Variants in TEP1 observed in about 807,000 individuals in gnomAD.
The protein encoded by TEP1 is telomerase associated protein 1.
TEP1 carries 241 observed loss-of-function variants against 306.3 expected under a neutral mutation model. That is an observed-to-expected ratio of 0.79 (90% CI 0.71 to 0.88). TEP1 has a LOEUF of 0.88. Ranked by LOEUF, TEP1 falls within the 40% of genes least tolerant of loss-of-function variation. The pLI, the probability that TEP1 is intolerant of heterozygous loss-of-function variation, is 0.00. For missense variants in TEP1, 3,051 were observed against 3,276.1 expected, an observed-to-expected ratio of 0.93 and a Z score of 1.68; for synonymous variants, 1,289 against 1,305.5, an observed-to-expected ratio of 0.99 and a Z score of 0.27.
intron 33 of TEP1, among the ~76,000 whole-genome samples, chr14:20,380,725 T>C (rs1317910669): frequency 6.6e-6 from 1 of 152,200 alleles, no homozygotes; most frequent in African/African-American, 2.4e-5. Flanking sequence ...CTAAATAAAG[T>C]TGAAGAATCT....
At position 20,404,649 on chromosome 14, in the gene TEP1, G is replaced by C; in HGVS notation, c.994C>G (p.Leu332Val). Residue 332 changes from leucine (L) to valine (V), a missense_variant, in exon 5 of 55, where the codon CTG (leucine) becomes GTG (valine). Physicochemically the swap from Leu to Val is conservative, Grantham distance 32 (BLOSUM62 1). Coordinates refer to ENST00000262715, the MANE Select transcript of TEP1 (RefSeq NM_007110.5). ...LRRYFCAIVQ[L>V]PSDWIQVAEL... Reference sequence around the variant, plus strand: ...GCCACCTGGATCCAGTCAGAAGGCAGCTGGACAATGGCACAGAAATATCGT... The same window carrying C: ...GCCACCTGGATCCAGTCAGAAGGCACCTGGACAATGGCACAGAAATATCGT... 6.2e-7 allele frequency: 1 copy of C among 1,614,130 alleles called. No individual in the cohort carries two copies. Among genetic ancestry groups the C allele is most frequent in the Non-Finnish European group, 8.5e-7 (1 of 1,179,992 alleles).
chr14:20,386,948 T>C (rs1877216647), intron 18 of TEP1, among the ~76,000 whole-genome samples: 1 of 151,392 alleles, frequency 6.6e-6, no homozygotes, highest in Non-Finnish European at 1.5e-5. Context: ...CTTTTTTTTT[T>C]TTTGAGACAG....
At chr14:20,398,276 G>A (rs1221964110) in intron 9 of TEP1, among the ~76,000 whole-genome samples, 2 of 151,420 alleles carry the variant, frequency 1.3e-5, no homozygotes, top group Non-Finnish European at 2.9e-5. Context: ...TAATCAGGAG[G>A]CTGAAGCAGG....
At position 20,366,022 on chromosome 14, in the gene TEP1, TTAATG is replaced by T. The variant is rs1884459173; in HGVS notation, c.*2410_*2414del. ...TTAAAGATAAGAACTTGAAGGATGT[TTAATG>T]TAAACCTAAATTGATTTTCCCTTCA... On this transcript the variant is annotated 3_prime_UTR_variant, in exon 55 of 55. Transcript: ENST00000262715. 3 of 152,358 alleles carry T rather than the reference TTAATG, an allele frequency of 2.0e-5. 1 individual carries two copies. In the South Asian group the frequency reaches 6.2e-4, roughly 32 times the overall value. The allele number at this position is 152,358 out of a possible 1,614,324, so 9.4% of individuals were successfully genotyped here. A position where few individuals can be genotyped will look rare whatever the true frequency, so the allele number is the denominator to read the frequency against.
At position 20,383,263 on chromosome 14, in the gene TEP1, G is replaced by T. The variant is rs140474592; in HGVS notation, c.3958C>A (p.Pro1320Thr). The T allele has an allele frequency of 1.2e-6, 2 of 1,613,900 alleles. No homozygotes were observed. The highest frequency in any genetic ancestry group is 1.7e-6 in the Non-Finnish European group (2 of 1,179,918). Residue 1320 changes from proline to threonine, a missense_variant, in exon 27 of 55, where the codon CCT (proline) becomes ACT (threonine). By Grantham distance (38) the Pro-to-Thr change is conservative (BLOSUM62 -1). This residue lies in a region of TEP1 where 1,540 missense variants were observed against 1,705.9 expected (regional missense o/e 0.90). Transcript: ENST00000262715. ...SQGAHVLALG[P>T]LEASARARLV... ...CGGGCCCGAGCAGAGGCCTCCAGAG[G>T]CCCCAAGGCCAGCACGTGGGCACCC...
chr14:20,367,660 G>T lies in TEP1; in HGVS notation c.*777C>A, dbSNP rs1185374369. ...AGAGTCTCGCTCTGTTGCCCAGGCT[G>T]GAGTGCAGTGGTGTCTCGGCTCACT... On this transcript the variant is annotated 3_prime_UTR_variant, in exon 55 of 55. Transcript: ENST00000262715. 2 of 152,408 alleles carry T rather than the reference G, an allele frequency of 1.3e-5. No individual in the cohort carries two copies. The highest frequency in any genetic ancestry group is 4.9e-5 in the African/African-American group (2 of 41,156). The allele number at this position is 152,408 out of a possible 1,614,324, so 9.4% of individuals were successfully genotyped here. A position where few individuals can be genotyped will look rare whatever the true frequency, so the allele number is the denominator to read the frequency against.
At chr14:20,369,812 C>T (rs1884716906) in intron 51 of TEP1, 33 bp from the exon 52 acceptor site, 1 of 1,541,888 alleles carries the variant, frequency 6.5e-7, no homozygotes, top group Non-Finnish European at 9.0e-7. Flanking sequence ...GTTTAGCCTA[C>T]CCATATGAGT....
At position 20,406,484 on chromosome 14, in the gene TEP1, A is replaced by G. The variant is rs1432193426; in HGVS notation, c.568-84T>C. On this transcript the variant is annotated intron_variant, in intron 2 of 54. Transcript: ENST00000262715. ...ATGGATCTGAAGGCAGCACCAGGCC[A>G]CGGGAAAAGTCTACATCTCCATTAA... 2.1e-6 allele frequency: 3 copies of G among 1,438,684 alleles called. No homozygotes were observed. In the African/African-American group the frequency reaches 4.2e-5, roughly 20 times the overall value. The allele number at this position is 1,438,684 out of a possible 1,614,324, so 89.1% of individuals were successfully genotyped here.
intron 2 of TEP1, among the ~76,000 whole-genome samples, chr14:20,406,723 G>A (rs1359481954): frequency 6.6e-6 from 1 of 152,144 alleles, no homozygotes; most frequent in East Asian, 1.9e-4. Flanking sequence ...ATGTTTTGGG[G>A]GTCAGAAGAA....
chr14:20,377,632 G>C lies in TEP1; in HGVS notation c.5843C>G (p.Ala1948Gly). ...DGDRVAVGYR[A>G]DGIRIYKISS... ...GATTTTGTAGATCCTAATGCCATCC[G>C]CTCGATATCCAACAGCCACCCGATC... is the stretch of plus-strand genomic sequence containing the variant. The change falls in exon 40 of 55, where the codon GCG (alanine) becomes GGG (glycine). Residue 1948 changes from alanine to glycine, a missense_variant. Transcript: ENST00000262715. The C allele has an allele frequency of 1.9e-6, 3 of 1,614,098 alleles. No individual in the cohort carries two copies. The highest frequency in any genetic ancestry group is 2.5e-6 in the Non-Finnish European group (3 of 1,180,012).
intron 27 of TEP1, among the ~76,000 whole-genome samples, 185 bp from the exon 28 acceptor site, chr14:20,382,900 C>T (rs1876717777): frequency 1.3e-5 from 2 of 152,192 alleles, no homozygotes; most frequent in African/African-American, 4.8e-5. Flanking sequence ...GCCAGCCCTG[C>T]CAGAAAACCC....
chr14:20,396,707 C>T lies in TEP1; in HGVS notation c.1573G>A (p.Ala525Thr). Residue 525 changes from alanine (A) to threonine (T), a missense_variant, in exon 10 of 55, where the codon GCC becomes ACC. Around this residue, in one of 3 missense-constraint regions of TEP1, gnomAD observed 1,507 missense variants for 1,550.5 expected, o/e 0.97. Transcript: ENST00000262715. Reference protein sequence around the residue: ...LIENGKLPFMAMLRNLCNLLR... With the variant: ...LIENGKLPFMTMLRNLCNLLR... ...AGGTTGCACAGGTTCCGAAGCATGG[C>T]CATGAAGGGAAGCTTCCCATTTTCT... 2 of 1,609,112 alleles carry T rather than the reference C, an allele frequency of 1.2e-6. No individual in the cohort carries two copies. Among genetic ancestry groups the T allele is most frequent in the Non-Finnish European group, 1.7e-6 (2 of 1,176,306 alleles).
At chr14:20,413,086 A>G (rs143154274) in intron 1 of TEP1, among the ~76,000 whole-genome samples, 418 of 152,302 alleles carry the variant, frequency 2.7e-3, no homozygotes, top group African/African-American at 9.5e-3. Flanking sequence ...TTCGATGGGC[A>G]CACAGGGCAA....
rs375059927 is a variant in TEP1 at position 20,375,429 on chromosome 14, C to G, written c.6363+326G>C. Among the ~76,000 whole-genome samples, 30 of 152,266 alleles carry G rather than the reference C, an allele frequency of 2.0e-4. No individual in the cohort carries two copies. The East Asian group carries it at 5.6e-3, about 29-fold the overall frequency. ...TCGGCCTCCCAAAGTGCTGGGATTA[C>G]AGGTGTGAGCCACCGTGCCCAGACC... On this transcript the variant is annotated intron_variant, in intron 43 of 54. Coordinates refer to ENST00000262715, the MANE Select transcript of TEP1 (RefSeq NM_007110.5).
At chr14:20,389,530 G>A (rs1877516660) in intron 16 of TEP1, 80 bp downstream of exon 16, 1 of 1,579,218 alleles carries the variant, frequency 6.3e-7, no homozygotes. Context: ...AAGTGGGAGT[G>A]TCCTATGCTT....
Position 20,383,818 on chromosome 14 carries a change from A to G in TEP1, c.3635T>C (p.Leu1212Pro), listed in dbSNP as rs1165708956. ...SGARPDQGLALTLLRRLCTYL... is the reference protein window; with the variant it reads ...SGARPDQGLAPTLLRRLCTYL... Reference sequence around the variant, plus strand: ...GGTACAGAGGCGTCTGAGCAGAGTGAGGGCAAGACCCTGGTCAGGACGAGC... The same window carrying G: ...GGTACAGAGGCGTCTGAGCAGAGTGGGGGCAAGACCCTGGTCAGGACGAGC... Residue 1212 changes from leucine to proline, a missense_variant, in exon 25 of 55, where the codon CTC becomes CCC. By Grantham distance (98) the Leu-to-Pro change is moderately conservative. Transcript: ENST00000262715. 1 of 1,609,172 alleles carries G rather than the reference A, an allele frequency of 6.2e-7. No homozygotes were observed. The highest frequency in any genetic ancestry group is 1.1e-5 in the South Asian group (1 of 90,542).
intron 11 of TEP1, 105 bp downstream of exon 11, chr14:20,395,754 T>TA (rs1168713799): frequency 4.0e-6 from 6 of 1,496,154 alleles, no homozygotes; most frequent in Non-Finnish European, 5.5e-6. Flanking sequence ...CCCACCCCGA[T>TA]ACACCCTGAG....
At position 20,391,623 on chromosome 14, in the gene TEP1, G is replaced by A; in HGVS notation, c.2073C>T (p.Leu691=). The change falls in exon 13 of 55, where the codon CTC becomes CTT. Residue 691 remains leucine (L), a synonymous_variant. Transcript: ENST00000262715. The part of the protein sequence containing the change: ...VYLTDANADR[L]CPKSNPQGPP... ...CCCCTTGTGGGTTGCTCTTTGGACA[G>A]AGCCTGTCTGCATTAGCATCTGTCA... 1 of 1,614,040 alleles carries A rather than the reference G, an allele frequency of 6.2e-7. No individual in the cohort carries two copies. The highest frequency in any genetic ancestry group is 2.2e-5 in the East Asian group (1 of 44,878).
At chr14:20,412,142 C>A (rs557877169) in intron 1 of TEP1, among the ~76,000 whole-genome samples, 4 of 152,270 alleles carry the variant, frequency 2.6e-5, no homozygotes, top group African/African-American at 9.6e-5. Flanking sequence ...ACAACAATAT[C>A]TCACTGGACG....
Sources: gnomAD v4.1 joint callset for allele counts (sites outside exome capture counted in the v4.1 genomes callset) on GRCh38, gnomAD v4.1.1 for gene constraint, gnomAD v4.1.1 regional missense constraint, MANE v1.5 for transcripts, NCBI Gene and HGNC (gene_info 2026-07-23, HGNC 2026-07-21) for gene names.